Variants in GRIN2A observed in about 807,000 individuals in gnomAD.
GRIN2A encodes the protein glutamate ionotropic receptor NMDA type subunit 2A.
In GRIN2A, 22 loss-of-function variants were observed where a neutral mutation model predicts 113.4. The ratio of observed to expected loss-of-function variants is 0.19; its 90% confidence interval spans 0.14 to 0.28. The LOEUF (loss-of-function observed/expected upper bound fraction) is 0.28. Ranked by LOEUF, GRIN2A falls within the 10% of genes least tolerant of loss-of-function variation. The pLI, the probability that GRIN2A is intolerant of heterozygous loss-of-function variation, is 1.00. For missense variants in GRIN2A, 1,502 were observed against 1,887.0 expected (o/e 0.80, Z 3.78); for synonymous variants, 827 against 738.4 (o/e 1.12, Z -1.94).
chr16:10,106,188 T>A (rs945976320), intron 2 of GRIN2A, among the ~76,000 whole-genome samples: 1 of 58,026 alleles, frequency 1.7e-5, no homozygotes, highest in African/African-American at 5.6e-5. Context: ...AGTGAAAGAG[T>A]TTTTTTTTTT....
chr16:10,045,830 G>A (rs141396761), intron 2 of GRIN2A, among the ~76,000 whole-genome samples: 11 of 152,306 alleles, frequency 7.2e-5, no homozygotes, highest in African/African-American at 2.6e-4. Flanking sequence ...CTTGCCTACA[G>A]GAGGCTCAGG....
At chr16:9,829,749 G>A (rs1265433018) in intron 8 of GRIN2A, 97 bp from the exon 9 acceptor site, 11 of 785,396 alleles carry the variant, frequency 1.4e-5, no homozygotes, top group Non-Finnish European at 2.5e-5. Flanking sequence ...ACCGAAGGTT[G>A]CCAGAAGATG....
intron 2 of GRIN2A, among the ~76,000 whole-genome samples, chr16:10,176,118 G>C (rs1338462042): frequency 4.7e-5 from 7 of 148,048 alleles, no homozygotes; most frequent in South Asian, 2.1e-4. Context: ...AATTCTCCCT[G>C]CCTCAGCCTC....
chr16:9,756,991 T>A lies in GRIN2A; in HGVS notation c.*6158A>T, dbSNP rs1172995572. ...CCTCTATGCTTCCCTGATACATTCA[T>A]ACCCTGGTGTATCAGAAGGGTTCTT... On this transcript the variant is annotated 3_prime_UTR_variant, in exon 13 of 13. Transcript: ENST00000330684. The A allele has an allele frequency of 5.1e-6, 1 of 195,906 alleles. No homozygotes were observed. Among genetic ancestry groups the A allele is most frequent in the South Asian group, 1.9e-4 (1 of 5,200 alleles). 12.1% of individuals were successfully genotyped at this position (195,906 alleles called of 1,614,324 possible).
At chr16:10,015,408 A>G in intron 2 of GRIN2A, among the ~76,000 whole-genome samples, 1 of 152,124 alleles carries the variant, frequency 6.6e-6, no homozygotes, top group Non-Finnish European at 1.5e-5. Flanking sequence ...AGATCTAAGT[A>G]CAGAGACCTG....
At chr16:10,181,178 C>A (rs1394586827) in intron 1 of GRIN2A, among the ~76,000 whole-genome samples, 2 of 152,212 alleles carry the variant, frequency 1.3e-5, no homozygotes, top group Non-Finnish European at 2.9e-5. Context: ...CACCCCTACA[C>A]GCGCGCGTGC....
At chr16:10,100,041 A>G (rs1445367198) in intron 2 of GRIN2A, among the ~76,000 whole-genome samples, 23 of 152,224 alleles carry the variant, frequency 1.5e-4, no homozygotes, top group Admixed American at 1.4e-3. Flanking sequence ...AAGAAGTATC[A>G]GCAGAATGAA....
chr16:9,969,737 G>C (rs951286392), intron 2 of GRIN2A, among the ~76,000 whole-genome samples: 1 of 152,182 alleles, frequency 6.6e-6, no homozygotes, highest in Non-Finnish European at 1.5e-5. Flanking sequence ...ACAGCTAGGA[G>C]GCAGGGTATG....
At chr16:10,146,940 C>G (rs1319822477) in intron 2 of GRIN2A, among the ~76,000 whole-genome samples, 1 of 152,074 alleles carries the variant, frequency 6.6e-6, no homozygotes, top group Non-Finnish European at 1.5e-5. Flanking sequence ...CCTACACAAT[C>G]CTCTCCAGTG....
intron 2 of GRIN2A, among the ~76,000 whole-genome samples, chr16:9,978,073 C>T (rs1406114878): frequency 1.3e-5 from 2 of 152,122 alleles, no homozygotes; most frequent in African/African-American, 4.8e-5. Context: ...CCTTTCTGAG[C>T]CTTTTCTTCC....
At position 10,182,210 on chromosome 16, in the gene GRIN2A, C is replaced by G. The variant is rs930490212; in HGVS notation, c.-352G>C. ...CTAGACAAGAGGGGGGAAGCTGAAG[C>G]CCGATGCCCACGACGCCCCCAGTGC... On this transcript the variant is annotated 5_prime_UTR_variant, in exon 1 of 13. Transcript: ENST00000330684. 1 of 153,086 alleles carries G rather than the reference C, an allele frequency of 6.5e-6. No homozygotes were observed. The highest frequency in any genetic ancestry group is 2.4e-5 in the African/African-American group (1 of 41,476). 9.5% of individuals were successfully genotyped at this position (153,086 alleles called of 1,614,324 possible). A position where few individuals can be genotyped will look rare whatever the true frequency, so the allele number is the denominator to read the frequency against.
chr16:9,894,938 A>G (rs190670032), intron 3 of GRIN2A, among the ~76,000 whole-genome samples: 22 of 152,244 alleles, frequency 1.4e-4, no homozygotes, highest in Admixed American at 1.4e-3. Flanking sequence ...TACATTCATC[A>G]ATCCATTAAT....
At chr16:10,034,024 C>T (rs963668059) in intron 2 of GRIN2A, among the ~76,000 whole-genome samples, 1 of 152,156 alleles carries the variant, frequency 6.6e-6, no homozygotes. Flanking sequence ...AAACAACCAG[C>T]AAGGAACACC....
chr16:10,001,129 C>T (rs2046313030), intron 2 of GRIN2A, among the ~76,000 whole-genome samples: 1 of 152,188 alleles, frequency 6.6e-6, no homozygotes, highest in Non-Finnish European at 1.5e-5. Flanking sequence ...CTTTCTTCGC[C>T]TCAGTTTCCT....
At chr16:10,150,698 CAG>C (rs2049550722) in intron 2 of GRIN2A, among the ~76,000 whole-genome samples, 1 of 151,708 alleles carries the variant, frequency 6.6e-6, no homozygotes, top group Non-Finnish European at 1.5e-5. Flanking sequence ...CTCACCTCCT[CAG>C]AGAGACCTTT....
chr16:9,936,401 G>C (rs575891675), intron 3 of GRIN2A, among the ~76,000 whole-genome samples: 4 of 152,180 alleles, frequency 2.6e-5, no homozygotes, highest in Non-Finnish European at 5.9e-5. Flanking sequence ...TGATGTGCAA[G>C]TCATACAGAA....
chr16:10,175,739 G>C (rs1184133711), intron 2 of GRIN2A, among the ~76,000 whole-genome samples: 1 of 152,176 alleles, frequency 6.6e-6, no homozygotes. Flanking sequence ...TGGCATGGAT[G>C]GATATAGCTA....
intron 7 of GRIN2A, among the ~76,000 whole-genome samples, chr16:9,839,593 A>G (rs2042638780): frequency 6.6e-6 from 1 of 152,166 alleles, no homozygotes; most frequent in Non-Finnish European, 1.5e-5. Context: ...TCACTCTTAC[A>G]TCTAGCAAAT....
intron 3 of GRIN2A, among the ~76,000 whole-genome samples, chr16:9,896,406 G>A (rs1244835757): frequency 6.6e-6 from 1 of 152,154 alleles, no homozygotes; most frequent in African/African-American, 2.4e-5. Context: ...CCTTTCTTTG[G>A]ATTTACTTAA....
Sources: allele counts gnomAD v4.1 joint callset (sites outside exome capture counted in the v4.1 genomes callset), GRCh38; gene constraint gnomAD v4.1.1; transcripts MANE v1.5; gene names NCBI Gene and HGNC (gene_info 2026-07-23, HGNC 2026-07-21).